The following SENP8 variants were observed in gnomAD, a reference collection of about 807,000 sequenced individuals.
The protein encoded by SENP8 is sentrin-specific protease 8.
Under a neutral mutation model 14.4 loss-of-function variants are expected in SENP8, and 10 were observed. The ratio of observed to expected loss-of-function variants is 0.69; its 90% CI spans 0.43 to 1.18. The LOEUF (loss-of-function observed/expected upper bound fraction) is 1.18, where lower values mean the gene tolerates loss of function less well. SENP8 is among the 50% of genes most tolerant of loss of function. The probability of loss-of-function intolerance (pLI) is 0.00; values close to 1 mark genes in which losing one functional copy is unlikely to be tolerated. For synonymous variants in SENP8, 94 were observed against 95.5 expected (o/e 0.98, Z 0.09); for missense variants, 202 against 249.4 (o/e 0.81, Z 1.28).
At chr15:72,127,117 A>G (rs1024647427) in intron 1 of SENP8, among the ~76,000 whole-genome samples, 1 of 152,202 alleles carries the variant, frequency 6.6e-6, no homozygotes, top group Non-Finnish European at 1.5e-5. Context: ...CCTGCCTGGT[A>G]AGCACTGTTT....
At position 72,143,604 on chromosome 15, in the gene SENP8, GA is replaced by G. The variant is rs1162039220; in HGVS notation, c.*3345del. ...ACTTGTACATTTTTGAGGTTCTATA[GA>G]AATATATAATCTCATTAATTCTTAT... On this transcript the variant is annotated 3_prime_UTR_variant, in exon 2 of 2. Coordinates refer to ENST00000340912, the MANE Select transcript of SENP8 (RefSeq NM_145204.4). 6.6e-6 allele frequency: 1 copy of G among 152,016 alleles called. No individual in the cohort carries two copies. The highest frequency in any genetic ancestry group is 1.5e-5 in the Non-Finnish European group (1 of 68,018). 9.4% of individuals were successfully genotyped at this position (152,016 alleles called of 1,614,324 possible).
rs1423459732 is a variant in SENP8, at chr15:72,143,217, A to G, written c.*2955A>G. 3 of 151,624 alleles carry G rather than the reference A, an allele frequency of 2.0e-5. No individual in the cohort carries two copies. Among genetic ancestry groups the G allele is most frequent in the Non-Finnish European group, 2.9e-5 (2 of 67,892 alleles). The allele number at this position is 151,624 out of a possible 1,614,324, so 9.4% of individuals were successfully genotyped here. A position where few individuals can be genotyped will look rare whatever the true frequency, so the allele number is the denominator to read the frequency against. On this transcript the variant is annotated 3_prime_UTR_variant, in exon 2 of 2. Transcript: ENST00000340912. ...TTATCTCAAAAAAAAAAAAAAAAGT[A>G]TTTACAGAAATGTACATGCTATGGT...
In SENP8 at chr15:72,143,474, T is replaced by A. The variant is rs2081392830; in HGVS notation, c.*3212T>A. 1 of 152,206 alleles carries A rather than the reference T, an allele frequency of 6.6e-6. No homozygotes were observed. Among genetic ancestry groups the A allele is most frequent in the African/African-American group, 2.4e-5 (1 of 41,446 alleles). The allele number at this position is 152,206 out of a possible 1,614,324, so 9.4% of individuals were successfully genotyped here. The stretch of plus-strand genomic sequence containing the variant: ...GGATGGTGAATAGCAACAACTAACC[T>A]TTTTATCACTCTGTAATGTGCAGGG... On this transcript the variant is annotated 3_prime_UTR_variant, in exon 2 of 2. Transcript: ENST00000340912.
intron 1 of SENP8, among the ~76,000 whole-genome samples, chr15:72,138,413 G>T (rs2081347465): frequency 6.8e-6 from 1 of 147,346 alleles, no homozygotes; most frequent in African/African-American, 2.5e-5. Flanking sequence ...GCAATGGCAT[G>T]ATCTCAGCTC....
Position 72,141,055 on chromosome 15 carries a change from C to G in SENP8, c.*793C>G, listed in dbSNP as rs2081376544. On this transcript the variant is annotated 3_prime_UTR_variant, in exon 2 of 2. Coordinates refer to ENST00000340912, the MANE Select transcript of SENP8 (RefSeq NM_145204.4). ...TGTCTATTAGCCATGCACACACTTC[C>G]TCCTTATATCCAAAGTTCTTTGGTT... is the stretch of plus-strand genomic sequence containing the variant. The G allele has an allele frequency of 6.1e-6, 1 of 164,254 alleles. No homozygotes were observed. The highest frequency in any genetic ancestry group is 1.5e-5 in the Non-Finnish European group (1 of 68,108). The allele number at this position is 164,254 out of a possible 1,614,324, so 10.2% of individuals were successfully genotyped here.
chr15:72,116,588 C>T (rs2080987351), upstream of SENP8, among the ~76,000 whole-genome samples: 1 of 152,042 alleles, frequency 6.6e-6, no homozygotes, highest in African/African-American at 2.4e-5. Flanking sequence ...TTAAGGAATG[C>T]TACAAATCTT....
At chr15:72,123,265 A>T (rs1168238822) in intron 1 of SENP8, among the ~76,000 whole-genome samples, 1 of 152,242 alleles carries the variant, frequency 6.6e-6, no homozygotes, top group Non-Finnish European at 1.5e-5. Flanking sequence ...AAATGAGGTA[A>T]ATCATGGCTT....
chr15:72,116,519 A>C (rs760495325), upstream of SENP8, among the ~76,000 whole-genome samples: 18 of 152,308 alleles, frequency 1.2e-4, no homozygotes, highest in Non-Finnish European at 1.9e-4. Flanking sequence ...TGGAGAAGCA[A>C]GACAGCAGCA....
chr15:72,117,603 G>T (rs892571499), upstream of SENP8: 60 of 389,798 alleles, frequency 1.5e-4, no homozygotes, highest in Non-Finnish European at 2.4e-4. Flanking sequence ...GGGGCGGCCC[G>T]ACCGGAGCCA....
At chr15:72,115,108 T>C (rs2080923761), upstream of SENP8, among the ~76,000 whole-genome samples, 1 of 152,262 alleles carries the variant, frequency 6.6e-6, no homozygotes, top group Admixed American at 6.5e-5. Flanking sequence ...ATATATTAGA[T>C]AGTGAATCTC....
At chr15:72,120,114 T>G (rs576985184) in intron 1 of SENP8, among the ~76,000 whole-genome samples, 56 of 152,352 alleles carry the variant, frequency 3.7e-4, no homozygotes, top group African/African-American at 1.3e-3. Flanking sequence ...TCCACTCTCA[T>G]AGAGATTACT....
At chr15:72,124,174 T>A (rs1387358324) in intron 1 of SENP8, among the ~76,000 whole-genome samples, 1 of 152,254 alleles carries the variant, frequency 6.6e-6, no homozygotes, top group African/African-American at 2.4e-5. Context: ...CTTACATTTA[T>A]AACTGTGTTG....
chr15:72,126,035 CG>C (rs2081215558), intron 1 of SENP8, among the ~76,000 whole-genome samples: 1 of 151,988 alleles, frequency 6.6e-6, no homozygotes, highest in Non-Finnish European at 1.5e-5. Flanking sequence ...ATTGGCCAGG[CG>C]GGTCTCAAGC....
At chr15:72,129,679 AT>A (rs879374169) in intron 1 of SENP8, among the ~76,000 whole-genome samples, 234 of 138,848 alleles carry the variant, frequency 1.7e-3, no homozygotes, top group Middle Eastern at 3.8e-3. Flanking sequence ...GTCTGGCCAC[AT>A]TTTTTTTTTT....
chr15:72,129,470 C>A (rs2081250712), intron 1 of SENP8, among the ~76,000 whole-genome samples: 3 of 151,530 alleles, frequency 2.0e-5, no homozygotes, highest in Admixed American at 1.3e-4. Context: ...TCAAGCGATT[C>A]TCCTGCCTCA....
chr15:72,142,180 A>C lies in SENP8; in HGVS notation c.*1918A>C, dbSNP rs2081385164. Reference sequence around the variant, plus strand: ...TACACACGTATAGACATGTATATGTAATCTATCTACATATATATAAAAAAT... The same window carrying C: ...TACACACGTATAGACATGTATATGTCATCTATCTACATATATATAAAAAAT... On this transcript the variant is annotated 3_prime_UTR_variant, in exon 2 of 2. Coordinates refer to ENST00000340912, the MANE Select transcript of SENP8 (RefSeq NM_145204.4). 6.6e-6 allele frequency: 1 copy of C among 152,156 alleles called. No individual in the cohort carries two copies. The allele number at this position is 152,156 out of a possible 1,614,324, so 9.4% of individuals were successfully genotyped here. A position where few individuals can be genotyped will look rare whatever the true frequency, so the allele number is the denominator to read the frequency against.
chr15:72,139,944 C>T lies in SENP8; in HGVS notation c.321C>T (p.Val107=). The change falls in exon 2 of 2, where the codon GTC becomes GTT. Residue 107 remains valine, a synonymous_variant. Transcript: ENST00000340912. Reference sequence around the variant, plus strand: ...GAGGAACCCACTGGAGTTTATTGGTCTACCTCCAAGATAAAAATAGCTTTT... The same window carrying T: ...GAGGAACCCACTGGAGTTTATTGGTTTACCTCCAAGATAAAAATAGCTTTT... The part of the protein sequence containing the change: ...AAGGTHWSLL[V]YLQDKNSFFH... 1 of 1,614,210 alleles carries T rather than the reference C, an allele frequency of 6.2e-7. No homozygotes were observed. The highest frequency in any genetic ancestry group is 8.5e-7 in the Non-Finnish European group (1 of 1,180,022).
chr15:72,115,705 T>C (rs926687473), upstream of SENP8, among the ~76,000 whole-genome samples: 1 of 152,214 alleles, frequency 6.6e-6, no homozygotes, highest in Non-Finnish European at 1.5e-5. Flanking sequence ...AATAATTTAA[T>C]AAATATTATA....
intron 1 of SENP8, among the ~76,000 whole-genome samples, chr15:72,129,852 A>C (rs919019387): frequency 1.3e-5 from 2 of 150,846 alleles, no homozygotes; most frequent in African/African-American, 4.9e-5. Context: ...AAAAAAAAGA[A>C]AAAAAAAATC....
Sources: gnomAD v4.1 joint callset for allele counts (sites outside exome capture counted in the v4.1 genomes callset) on GRCh38, gnomAD v4.1.1 for gene constraint, MANE v1.5 for transcripts, NCBI Gene and HGNC (gene_info 2026-07-23, HGNC 2026-07-21) for gene names.